The following MAML2 variants were observed in gnomAD, a reference collection of about 807,000 sequenced individuals.
MAML2 encodes mastermind like transcriptional coactivator 2, also known as mastermind-like protein 2.
A neutral mutation model predicts 96.1 loss-of-function variants in MAML2; 22 were observed. That is an observed-to-expected ratio of 0.23 (90% confidence interval 0.16 to 0.33). MAML2 has a LOEUF of 0.33. MAML2 is among the 10% of genes least tolerant of loss of function. The pLI, the probability that MAML2 is intolerant of heterozygous loss-of-function variation, is 1.00. For synonymous variants in MAML2, 561 were observed against 521.3 expected, an observed-to-expected ratio of 1.08 and a Z score of -1.04; for missense variants, 1,367 against 1,392.4, an observed-to-expected ratio of 0.98 and a Z score of 0.29.
chr11:96,071,885 C>A (rs533457895), intron 2 of MAML2, among the ~76,000 whole-genome samples: 35 of 152,322 alleles, frequency 2.3e-4, no homozygotes, highest in South Asian at 1.2e-3. Context: ...GATTGGCTGT[C>A]TTTGTAGAAA....
At chr11:96,273,729 C>A (rs936045599) in intron 1 of MAML2, among the ~76,000 whole-genome samples, 2 of 151,978 alleles carry the variant, frequency 1.3e-5, no homozygotes, top group African/African-American at 4.8e-5. Flanking sequence ...GGTGATACTC[C>A]CTAAATTATT....
chr11:96,147,554 G>A (rs1222920030), intron 1 of MAML2, among the ~76,000 whole-genome samples: 8 of 152,156 alleles, frequency 5.3e-5, no homozygotes, highest in East Asian at 3.8e-4. Flanking sequence ...TTTTGGATTC[G>A]ACTCTTCCAT....
intron 1 of MAML2, among the ~76,000 whole-genome samples, chr11:96,112,885 G>A (rs1381151704): frequency 1.3e-5 from 2 of 152,224 alleles, no homozygotes; most frequent in Admixed American, 6.5e-5. Context: ...AAGTGTGAGG[G>A]CCACTTGGTC....
Position 96,122,497 on chromosome 11 carries a change from G to GGTGTGTGTGTGT in MAML2, c.514-28992_514-28981dup, listed in dbSNP as rs67940033. Among the ~76,000 whole-genome samples, 705 of 135,760 alleles carry GGTGTGTGTGTGT rather than the reference G, an allele frequency of 5.2e-3. 1 individual carries two copies. The highest frequency in any genetic ancestry group is 7.8e-3 in the Admixed American group (103 of 13,244). 89.1% of individuals were successfully genotyped at this position (135,760 alleles called of 152,430 possible). ...GGACAAATACAAATCTTTTAGGCTG[G>GGTGTGTGTGTGT]GTGTGTGTGTGTGTGTGTGTGTGTG... On this transcript the variant is annotated intron_variant, in intron 1 of 4. Transcript: ENST00000524717.
At chr11:96,340,422 G>T (rs1261332813) in intron 1 of MAML2, among the ~76,000 whole-genome samples, 2 of 152,190 alleles carry the variant, frequency 1.3e-5, no homozygotes, top group African/African-American at 4.8e-5. Flanking sequence ...AGAGGCCACT[G>T]GTCCAGCAGC....
At chr11:95,980,555 A>G (rs781195419) in intron 4 of MAML2, among the ~76,000 whole-genome samples, 3 of 152,314 alleles carry the variant, frequency 2.0e-5, no homozygotes, top group Middle Eastern at 3.4e-3. Flanking sequence ...ATTATCTCAT[A>G]AAGAAATTCT....
At chr11:96,012,692 T>C (rs10765783) in intron 2 of MAML2, among the ~76,000 whole-genome samples, 58,678 of 152,010 alleles carry the variant, frequency 0.39, 11,510 homozygotes, top group South Asian at 0.54. Flanking sequence ...AGAATAAACC[T>C]TTGAAATCTG....
At position 95,990,558 on chromosome 11, in the gene MAML2, T is replaced by C. The variant is rs139639531; in HGVS notation, c.2343+962A>G. On this transcript the variant is annotated intron_variant, in intron 3 of 4. Transcript: ENST00000524717. ...AGAGTATGGCATTTAATCACATGCA[T>C]TACAATTGGCCAATTTATCTGACAT... 9.8e-5 allele frequency among the ~76,000 whole-genome samples: 15 copies of C among 152,300 alleles called. No homozygotes were observed. In the East Asian group the frequency reaches 2.9e-3, roughly 29 times the overall value.
intron 1 of MAML2, among the ~76,000 whole-genome samples, chr11:96,166,204 C>A (rs1861191556): frequency 6.6e-6 from 1 of 151,550 alleles, no homozygotes; most frequent in Non-Finnish European, 1.5e-5. Flanking sequence ...CACACACACA[C>A]ACACACACAC....
At chr11:96,233,619 G>T (rs11021480) in intron 1 of MAML2, among the ~76,000 whole-genome samples, 9,949 of 152,120 alleles carry the variant, frequency 0.065, 370 homozygotes, top group South Asian at 0.1. Flanking sequence ...GTGCTGCCCA[G>T]GCTGGTCTCA....
At chr11:96,274,016 T>C (rs1029319732) in intron 1 of MAML2, among the ~76,000 whole-genome samples, 1 of 151,766 alleles carries the variant, frequency 6.6e-6, no homozygotes, top group Non-Finnish European at 1.5e-5. Flanking sequence ...AGTTGCAGTC[T>C]CTCTTGGTAT....
At chr11:96,189,880 T>G (rs1038318886) in intron 1 of MAML2, among the ~76,000 whole-genome samples, 1 of 152,208 alleles carries the variant, frequency 6.6e-6, no homozygotes, top group Non-Finnish European at 1.5e-5. Context: ...TCTAAAATAT[T>G]GAAGAGGACT....
chr11:96,292,579 C>T (rs1194527672), intron 1 of MAML2, among the ~76,000 whole-genome samples: 1 of 152,198 alleles, frequency 6.6e-6, no homozygotes, highest in Non-Finnish European at 1.5e-5. Context: ...AAAGGCCATA[C>T]TCTTTCCATT....
intron 2 of MAML2, among the ~76,000 whole-genome samples, chr11:96,006,561 T>C (rs1858181113): frequency 7.3e-6 from 1 of 137,486 alleles, no homozygotes; most frequent in East Asian, 2.3e-4. Flanking sequence ...TCTTTTTTTT[T>C]TCTTTTTTTT....
chr11:95,997,966 C>T (rs2135715056), intron 2 of MAML2, among the ~76,000 whole-genome samples: 1 of 152,230 alleles, frequency 6.6e-6, no homozygotes, highest in African/African-American at 2.4e-5. Flanking sequence ...TTTCCATCCT[C>T]ATCTGTCATT....
At chr11:96,322,404 AAAG>A (rs1446370351) in intron 1 of MAML2, among the ~76,000 whole-genome samples, 3 of 152,220 alleles carry the variant, frequency 2.0e-5, no homozygotes, top group African/African-American at 7.2e-5. Flanking sequence ...GCCTTTTAGA[AAAG>A]AAGAAAATGG....
intron 4 of MAML2, among the ~76,000 whole-genome samples, chr11:95,980,262 A>G (rs1260013270): frequency 6.6e-6 from 1 of 152,130 alleles, no homozygotes; most frequent in East Asian, 1.9e-4. Flanking sequence ...GTAATAGTCA[A>G]TCTTCCATTT....
chr11:96,110,884 T>C (rs2135832081), intron 1 of MAML2, among the ~76,000 whole-genome samples: 1 of 152,342 alleles, frequency 6.6e-6, no homozygotes, highest in East Asian at 1.9e-4. Context: ...AGCATCAGGA[T>C]TGGGTCTAAT....
At chr11:96,248,528 G>A (rs1862540562) in intron 1 of MAML2, among the ~76,000 whole-genome samples, 1 of 152,058 alleles carries the variant, frequency 6.6e-6, no homozygotes, top group Non-Finnish European at 1.5e-5. Flanking sequence ...TACTGGAGAT[G>A]AAACTACCCT....
Sources: gnomAD v4.1 joint callset for allele counts (sites outside exome capture counted in the v4.1 genomes callset) on GRCh38, gnomAD v4.1.1 for gene constraint, MANE v1.5 for transcripts, NCBI Gene and HGNC (gene_info 2026-07-23, HGNC 2026-07-21) for gene names.